Variants in KRT1 observed in about 807,000 individuals in gnomAD.
KRT1 encodes the protein keratin 1.
Under a neutral mutation model 51.6 loss-of-function variants are expected in KRT1, and 28 were observed. The observed-to-expected ratio is 0.54, with a 90% CI of 0.40 to 0.74. The LOEUF is 0.74. Among genes scored for constraint, KRT1 ranks in the 30% least tolerant of loss-of-function variants. The probability of loss-of-function intolerance (pLI) is 0.00; values close to 1 mark genes in which losing one functional copy is unlikely to be tolerated. For missense variants in KRT1, 783 were observed against 815.5 expected, an observed-to-expected ratio of 0.96 and a Z score of 0.49; for synonymous variants, 301 against 307.7, an observed-to-expected ratio of 0.98 and a Z score of 0.23.
At position 52,674,913 on chromosome 12, in the gene KRT1, A is replaced by G. The variant is rs1050890; in HGVS notation, c.*280T>C. 1.7e-6 allele frequency: 1 copy of G among 574,786 alleles called. No homozygotes were observed. The highest frequency in any genetic ancestry group is 3.1e-6 in the Non-Finnish European group (1 of 322,174). 35.6% of individuals were successfully genotyped at this position (574,786 alleles called of 1,614,324 possible). A position where few individuals can be genotyped will look rare whatever the true frequency, so the allele number is the denominator to read the frequency against. ...TGGTCCTACTCTGGCTGGCTTAAGG[A>G]GGTGCTTTGAAATGTCATGTGGGTG... On this transcript the variant is annotated 3_prime_UTR_variant, in exon 9 of 9. Transcript: ENST00000252244.
At chr12:52,679,658 TA>T in intron 1 of KRT1, 99 bp downstream of exon 1, 1 of 1,046,758 alleles carries the variant, frequency 9.6e-7, no homozygotes, top group Non-Finnish European at 1.5e-6. Flanking sequence ...TTTAATCATG[TA>T]AACATGGAAA....
At position 52,677,119 on chromosome 12, in the gene KRT1, A is replaced by C. The variant is rs1267941392; in HGVS notation, c.1194T>G (p.Ile398Met). ...GDSVRNSKIE[I>M]SELNRVIQRL... ...TCTGGATCACACGATTCAGCTCAGA[A>C]ATTTCTATCTTTGAATTTCTCACAC... Residue 398 changes from isoleucine (I) to methionine (M), a missense_variant, in exon 6 of 9, where the codon ATT (isoleucine) becomes ATG (methionine). Ile to Met is a conservative substitution (Grantham distance 10). Coordinates refer to ENST00000252244, the MANE Select transcript of KRT1 (RefSeq NM_006121.4). The C allele has an allele frequency of 6.2e-7, 1 of 1,614,102 alleles. No homozygotes were observed. Among genetic ancestry groups the C allele is most frequent in the South Asian group, 1.1e-5 (1 of 91,076 alleles).
chr12:52,678,096 T>C, intron 3 of KRT1, 67 bp downstream of exon 3: 9 of 1,480,648 alleles, frequency 6.1e-6, no homozygotes, highest in Non-Finnish European at 6.6e-6. Context: ...GCTTTCTGCT[T>C]AGTAATTGGA....
rs1348533019 is a variant in KRT1 at position 52,675,302 on chromosome 12, G to C, written c.1826C>G (p.Ser609Cys). The C allele has an allele frequency of 1.9e-6, 3 of 1,612,842 alleles. No homozygotes were observed. The highest frequency in any genetic ancestry group is 2.5e-6 in the Non-Finnish European group (3 of 1,179,882). The stretch of plus-strand genomic sequence containing the variant: ...TCCCCGGCCTCCTATGGAGCCTCCA[G>C]AGCTCCCGCCGCCAGAGCCCCGGCC... ...SGGRGSGGGS[S>C]GGSIGGRGSS... Residue 609 changes from serine to cysteine, a missense_variant, in exon 9 of 9, where the codon TCT (serine) becomes TGT (cysteine). Ser to Cys is a moderately radical substitution (Grantham distance 112). Transcript: ENST00000252244.
chr12:52,678,359 G>A, intron 2 of KRT1, 136 bp from the exon 3 acceptor site: 3 of 1,054,302 alleles, frequency 2.8e-6, no homozygotes, highest in Non-Finnish European at 4.3e-6. Context: ...ACTTTCTACT[G>A]AGCAATAAAA....
chr12:52,677,557 A>T (rs2121004540), intron 4 of KRT1, 77 bp from the exon 5 acceptor site: 1 of 1,605,294 alleles, frequency 6.2e-7, no homozygotes, highest in Middle Eastern at 1.7e-4. Context: ...CAGTCAGAAA[A>T]TAAAAGATAA....
chr12:52,678,571 C>T lies in KRT1; in HGVS notation c.777G>A (p.Met259Ile), dbSNP rs756537688. The T allele has an allele frequency of 1.9e-6, 3 of 1,614,256 alleles. No homozygotes were observed. In the African/African-American group the frequency reaches 4.0e-5, roughly 22 times the overall value. The change falls in exon 2 of 9, where the codon ATG becomes ATA. Residue 259 changes from methionine to isoleucine, a missense_variant. Transcript: ENST00000252244. ...TCCGGTAATCCTCCACCATGTCCTGCATGTTCTTCAGTTCCGAATCCAACC... is the reference window on the plus strand; with the variant it reads ...TCCGGTAATCCTCCACCATGTCCTGTATGTTCTTCAGTTCCGAATCCAACC... ...QSRLDSELKN[M>I]QDMVEDYRNK...
In KRT1 at chr12:52,677,044, G is replaced by A. The variant is rs971029160; in HGVS notation, c.1254+15C>T. On this transcript the variant is annotated intron_variant, in intron 6 of 8. Transcript: ENST00000252244. ...CATTCCATACAGCTGAGTGGTAGAAGGAGAAAGCACATACCTGCTTCTTGA... is the reference window on the plus strand; with the variant it reads ...CATTCCATACAGCTGAGTGGTAGAAAGAGAAAGCACATACCTGCTTCTTGA... The A allele has an allele frequency of 6.2e-7, 1 of 1,611,856 alleles. No homozygotes were observed. The highest frequency in any genetic ancestry group is 8.5e-7 in the Non-Finnish European group (1 of 1,180,010).
Position 52,675,164 on chromosome 12 carries a change from C to A in KRT1, c.*29G>T. 6.2e-7 allele frequency: 1 copy of A among 1,612,260 alleles called. No individual in the cohort carries two copies. Among genetic ancestry groups the A allele is most frequent in the Non-Finnish European group, 8.5e-7 (1 of 1,179,600 alleles). On this transcript the variant is annotated 3_prime_UTR_variant, in exon 9 of 9. Transcript: ENST00000252244. ...ATTTGTTAGTGATGCTGGGGGAGAA[C>A]TAGAGCTAATGAAACAGAGGGCATC...
rs1051758964 is a variant in KRT1 at position 52,677,201 on chromosome 12, G to A, written c.1129-17C>T. 8.7e-6 allele frequency: 14 copies of A among 1,614,082 alleles called. No homozygotes were observed. The highest frequency in any genetic ancestry group is 1.3e-5 in the African/African-American group (1 of 74,944). On this transcript the variant is annotated splice_polypyrimidine_tract_variant and intron_variant, in intron 5 of 8. Coordinates refer to ENST00000252244, the MANE Select transcript of KRT1 (RefSeq NM_006121.4). ...CTCTTCATACTAAAGATGGTAGATAGCGTTTGTTAAATGTAGGCAGAACTC... is the reference window on the plus strand; with the variant it reads ...CTCTTCATACTAAAGATGGTAGATAACGTTTGTTAAATGTAGGCAGAACTC...
intron 6 of KRT1, 86 bp downstream of exon 6, chr12:52,676,973 G>A: frequency 1.9e-6 from 3 of 1,547,726 alleles, no homozygotes; most frequent in Non-Finnish European, 2.7e-6. Flanking sequence ...TGAATTGCAA[G>A]ATTCAAAACT....
At chr12:52,678,819 G>A in intron 1 of KRT1, 63 bp from the exon 2 acceptor site, 3 of 1,445,144 alleles carry the variant, frequency 2.1e-6, no homozygotes, top group East Asian at 2.3e-5. Context: ...ATGGAGAACT[G>A]TGCCTCATTT....
Position 52,675,512 on chromosome 12 carries a change from T to C in KRT1, c.1616A>G (p.Tyr539Cys), listed in dbSNP as rs1284346730. The stretch of plus-strand genomic sequence containing the variant: ...GCCGCCGCCGCCACCTCCAGAACCA[T>C]AGCTACCACCTCCGGAGCCATAGCT... ...GSSYGSGGGS[Y>C]GSGGGGGGGR... Residue 539 changes from tyrosine to cysteine, a missense_variant, in exon 9 of 9, where the codon TAT (tyrosine) becomes TGT (cysteine). Tyr to Cys is a radical substitution (Grantham distance 194, BLOSUM62 -2). Transcript: ENST00000252244. The C allele has an allele frequency of 1.9e-6, 3 of 1,603,616 alleles. No individual in the cohort carries two copies. The highest frequency in any genetic ancestry group is 2.6e-6 in the Non-Finnish European group (3 of 1,173,542).
At chr12:52,675,839 T>A (rs1941496008) in intron 7 of KRT1, 95 bp from the exon 8 acceptor site, 1 of 1,414,044 alleles carries the variant, frequency 7.1e-7, no homozygotes, top group Admixed American at 1.9e-5. Context: ...TTTCCCCATC[T>A]GGGTCTTCTC....
chr12:52,676,200 C>T, intron 7 of KRT1, 75 bp downstream of exon 7: 1 of 1,217,534 alleles, frequency 8.2e-7, no homozygotes, highest in Non-Finnish European at 1.2e-6. Flanking sequence ...CAGATGGCTG[C>T]ATCTTCAACA....
chr12:52,676,897 G>A (rs776837340), intron 6 of KRT1, among the ~76,000 whole-genome samples, 162 bp downstream of exon 6: 1 of 152,188 alleles, frequency 6.6e-6, no homozygotes, highest in Non-Finnish European at 1.5e-5. Flanking sequence ...AACCCAGCAT[G>A]ATGGCTGCAT....
Position 52,675,172 on chromosome 12 carries a change from A to G in KRT1, c.*21T>C, listed in dbSNP as rs1255883930. 1.2e-6 allele frequency: 2 copies of G among 1,612,778 alleles called. No homozygotes were observed. The highest frequency in any genetic ancestry group is 1.7e-5 in the Admixed American group (1 of 60,028). ...GTGATGCTGGGGGAGAACTAGAGCTAATGAAACAGAGGGCATCTCTTTATC... is the reference window on the plus strand; with the variant it reads ...GTGATGCTGGGGGAGAACTAGAGCTGATGAAACAGAGGGCATCTCTTTATC... On this transcript the variant is annotated 3_prime_UTR_variant, in exon 9 of 9. Coordinates refer to ENST00000252244, the MANE Select transcript of KRT1 (RefSeq NM_006121.4).
chr12:52,678,835 A>C, intron 1 of KRT1, 79 bp from the exon 2 acceptor site: 1 of 1,244,658 alleles, frequency 8.0e-7, no homozygotes, highest in Non-Finnish European at 1.2e-6. Context: ...CATTTGGAAA[A>C]GAACCTCAAT....
In KRT1 at chr12:52,676,371, C is replaced by T. The variant is rs777516621; in HGVS notation, c.1379G>A (p.Arg460His). The change falls in exon 7 of 9, where the codon CGC becomes CAC. Residue 460 changes from arginine (R) to histidine (H), a missense_variant. By Grantham distance (29) the Arg-to-His change is conservative. Transcript: ENST00000252244. ...CAGCTCCTGGTAGTCGCGCAGCAGG[C>T]GGGCCAGGTCTTCCTTGGCCTGCTG... ...ALQQAKEDLA[R>H]LLRDYQELMN... 19 of 1,614,098 alleles carry T rather than the reference C, an allele frequency of 1.2e-5. No individual in the cohort carries two copies. The highest frequency in any genetic ancestry group is 3.3e-5 in the South Asian group (3 of 91,084).
Sources: gnomAD v4.1 joint callset for allele counts (sites outside exome capture counted in the v4.1 genomes callset) on GRCh38, gnomAD v4.1.1 for gene constraint, MANE v1.5 for transcripts, NCBI Gene and HGNC (gene_info 2026-07-23, HGNC 2026-07-21) for gene names.